The following USP8 variants were observed in gnomAD, a reference collection of about 807,000 sequenced individuals.
The protein encoded by USP8 is ubiquitin specific peptidase 8, also known as ubiquitin carboxyl-terminal hydrolase 8.
USP8 carries 27 observed loss-of-function variants against 130.0 expected under a neutral mutation model. That is an observed-to-expected ratio of 0.21 (90% CI 0.15 to 0.29). The LOEUF (loss-of-function observed/expected upper bound fraction) is 0.29. USP8 is among the 10% of genes least tolerant of loss of function. The pLI is 1.00. For missense variants in USP8, 1,029 were observed against 1,312.2 expected, an observed-to-expected ratio of 0.78 and a Z score of 3.33; for synonymous variants, 392 against 444.1, an observed-to-expected ratio of 0.88 and a Z score of 1.48.
intron 1 of USP8, among the ~76,000 whole-genome samples, chr15:50,433,587 CAG>C (rs2049995601): frequency 6.6e-6 from 1 of 152,118 alleles, no homozygotes; most frequent in South Asian, 2.1e-4. Flanking sequence ...AGAAGGATGT[CAG>C]AGAAAGAACA....
intron 4 of USP8, among the ~76,000 whole-genome samples, chr15:50,453,983 TC>T (rs1389470592): frequency 3.5e-5 from 5 of 143,756 alleles, no homozygotes; most frequent in Non-Finnish European, 7.5e-5. Context: ...CACCTCAGCC[TC>T]CCCAAGTAGC....
chr15:50,434,065 A>AT (rs796664153), intron 1 of USP8, among the ~76,000 whole-genome samples: 148 of 149,630 alleles, frequency 9.9e-4, no homozygotes, highest in Non-Finnish European at 1.4e-3. Flanking sequence ...ATACTTAGTT[A>AT]TTTTTTTTTC....
At chr15:50,431,165 C>CTGTGTGTGTGTGTGTGTGCCTCTGTG in intron 1 of USP8, among the ~76,000 whole-genome samples, 1 of 140,986 alleles carries the variant, frequency 7.1e-6, no homozygotes, top group African/African-American at 2.7e-5. Flanking sequence ...GTGTGTGCCT[C>CTGTGTGTGTGTGTGTGTGCCTCTGTG]TGTGTGTGTG....
At chr15:50,434,104 TTTTTGTTTTG>T (rs139482198) in intron 1 of USP8, among the ~76,000 whole-genome samples, 22 of 148,830 alleles carry the variant, frequency 1.5e-4, no homozygotes, top group African/African-American at 2.7e-4. Flanking sequence ...AGCATAAGGT[TTTTTGTTTTG>T]TTTTGTTTTG....
rs528435061 is a variant in USP8, at chr15:50,441,201, C to T, written c.105-148C>T. ...CACCACTCATCGTCTGCTGTGCGTC[C>T]TGGTTCATAACAGGCCGTGAACCAG... On this transcript the variant is annotated intron_variant, in intron 2 of 19. Coordinates refer to ENST00000307179, the MANE Select transcript of USP8 (RefSeq NM_005154.5). The T allele has an allele frequency of 1.2e-5, 8 of 665,772 alleles. No homozygotes were observed. In the African/African-American group the frequency reaches 1.5e-4, roughly 13 times the overall value. 41.2% of individuals were successfully genotyped at this position (665,772 alleles called of 1,614,324 possible). A position where few individuals can be genotyped will look rare whatever the true frequency, so the allele number is the denominator to read the frequency against.
chr15:50,497,002 C>G, intron 17 of USP8, 87 bp from the exon 18 acceptor site: 1 of 1,479,794 alleles, frequency 6.8e-7, no homozygotes, highest in Non-Finnish European at 9.0e-7. Context: ...TCACTGGTGC[C>G]TGCAGAGTGA....
intron 4 of USP8, among the ~76,000 whole-genome samples, chr15:50,453,402 A>G (rs952806435): frequency 1.3e-5 from 2 of 152,142 alleles, no homozygotes; most frequent in Admixed American, 6.6e-5. Context: ...TCCTTGACCC[A>G]TGGGTCATTT....
At chr15:50,490,235 C>CT (rs2052107503) in intron 13 of USP8, 28 bp from the exon 14 acceptor site, 2 of 1,566,044 alleles carry the variant, frequency 1.3e-6, no homozygotes, top group African/African-American at 2.8e-5. Context: ...GTTTTTTGAC[C>CT]TGTTTTTTTT....
At chr15:50,492,277 G>A (rs979243521) in intron 14 of USP8, among the ~76,000 whole-genome samples, 1 of 151,972 alleles carries the variant, frequency 6.6e-6, no homozygotes, top group Non-Finnish European at 1.5e-5. Context: ...CCACGGTATG[G>A]TTTTTTTTGT....
intron 6 of USP8, among the ~76,000 whole-genome samples, chr15:50,463,142 A>G (rs948542312): frequency 2.6e-5 from 4 of 152,092 alleles, no homozygotes; most frequent in African/African-American, 9.7e-5. Context: ...CCATCTGCTC[A>G]GGAGGTTGAG....
At chr15:50,464,895 A>G in intron 6 of USP8, 152 bp from the exon 7 acceptor site, 1 of 786,134 alleles carries the variant, frequency 1.3e-6, no homozygotes, top group Non-Finnish European at 2.0e-6. Context: ...TTTACAAGAT[A>G]ATAAATGGTA....
At chr15:50,424,800 C>T (rs1269143619) in intron 1 of USP8, 3 of 285,066 alleles carry the variant, frequency 1.1e-5, no homozygotes, top group African/African-American at 4.5e-5. Context: ...TTATACCCGA[C>T]TTTGACCTCT....
chr15:50,429,218 G>A (rs1567592412), intron 1 of USP8, among the ~76,000 whole-genome samples: 1 of 151,162 alleles, frequency 6.6e-6, no homozygotes, highest in Non-Finnish European at 1.5e-5. Context: ...AAACCCACAT[G>A]TCTTTTTAAT....
intron 1 of USP8, chr15:50,424,760 C>T (rs1201196185): frequency 5.8e-6 from 2 of 346,286 alleles, no homozygotes; most frequent in South Asian, 1.5e-4. Flanking sequence ...TAAAAGGTGG[C>T]TTTGACCAAT....
chr15:50,445,856 CAA>C (rs200962937), intron 3 of USP8, among the ~76,000 whole-genome samples: 66 of 97,382 alleles, frequency 6.8e-4, no homozygotes, highest in East Asian at 1.5e-3. Flanking sequence ...GACTCCGTCT[CAA>C]AAAAAAAAAA....
At chr15:50,435,383 G>A (rs556141594) in intron 1 of USP8, among the ~76,000 whole-genome samples, 4 of 152,198 alleles carry the variant, frequency 2.6e-5, no homozygotes, top group African/African-American at 7.2e-5. Context: ...CATTTACATT[G>A]TATTAGGTAT....
At chr15:50,454,694 A>G (rs1178723893) in intron 4 of USP8, among the ~76,000 whole-genome samples, 3 of 152,064 alleles carry the variant, frequency 2.0e-5, no homozygotes, top group Non-Finnish European at 2.9e-5. Flanking sequence ...ACCTCAGGTG[A>G]TCCACCCACC....
chr15:50,434,156 T>A (rs1232139927), intron 1 of USP8, among the ~76,000 whole-genome samples: 1 of 147,548 alleles, frequency 6.8e-6, no homozygotes, highest in Admixed American at 6.8e-5. Context: ...AGAGTCTTGC[T>A]CTGTCGCCCA....
At chr15:50,429,273 CAA>C (rs2049849591) in intron 1 of USP8, among the ~76,000 whole-genome samples, 1 of 146,490 alleles carries the variant, frequency 6.8e-6, no homozygotes, top group South Asian at 2.1e-4. Context: ...AATTTCAGAA[CAA>C]GAGTTATGGG....
Sources: allele counts gnomAD v4.1 joint callset (sites outside exome capture counted in the v4.1 genomes callset), GRCh38; gene constraint gnomAD v4.1.1; transcripts MANE v1.5; gene names NCBI Gene and HGNC (gene_info 2026-07-23, HGNC 2026-07-21).